The following MOB1B variants were observed in gnomAD, a reference collection of about 807,000 sequenced individuals.
MOB1B encodes MOB1 Mps One Binder homolog B.
MOB1B carries 19 observed loss-of-function variants against 24.4 expected under a neutral mutation model. That is an observed-to-expected ratio of 0.78 (90% CI 0.54 to 1.14). The LOEUF (loss-of-function observed/expected upper bound fraction) is 1.14, where lower values mean the gene tolerates loss of function less well. Ranked by LOEUF, MOB1B falls within the 50% of genes most tolerant of loss-of-function variation. MOB1B has a pLI of 0.00. For synonymous variants in MOB1B, 76 were observed against 82.1 expected (o/e 0.93, Z 0.40); for missense variants, 243 against 259.6 (o/e 0.94, Z 0.44).
chr4:70,945,196 TAA>T (rs1737527569), intron 1 of MOB1B, among the ~76,000 whole-genome samples: 2 of 152,158 alleles, frequency 1.3e-5, no homozygotes, highest in African/African-American at 4.8e-5. Context: ...TAAGTATATA[TAA>T]ATACCCAACT....
chr4:70,951,365 A>G (rs1325938760), intron 1 of MOB1B, among the ~76,000 whole-genome samples: 1 of 152,242 alleles, frequency 6.6e-6, no homozygotes, highest in African/African-American at 2.4e-5. Context: ...TGAAATTTGC[A>G]AAAGATAAAT....
intron 1 of MOB1B, among the ~76,000 whole-genome samples, chr4:70,934,477 G>A (rs1260892688): frequency 4.0e-5 from 6 of 151,288 alleles, no homozygotes; most frequent in Non-Finnish European, 5.9e-5. Flanking sequence ...TTTTGAGACC[G>A]AGTCTTGCTC....
At chr4:70,965,296 CAAAAA>C (rs1175536577) in intron 2 of MOB1B, among the ~76,000 whole-genome samples, 1 of 36,216 alleles carries the variant, frequency 2.8e-5, no homozygotes, top group African/African-American at 8.6e-5. Context: ...GACTTCATCT[CAAAAA>C]AAAAAAAAAA....
rs1257431414 is a variant in MOB1B, at chr4:70,986,801, A to T, written c.*4744A>T. On this transcript the variant is annotated 3_prime_UTR_variant, in exon 6 of 6. Transcript: ENST00000309395. Reference sequence around the variant, plus strand: ...TGGAAAAGTTTAATTTGAAGATGTAACAAAAATTCTGACCACAGTTGATTC... The same window carrying T: ...TGGAAAAGTTTAATTTGAAGATGTATCAAAAATTCTGACCACAGTTGATTC... 6.6e-6 allele frequency: 1 copy of T among 152,166 alleles called. No homozygotes were observed. Among genetic ancestry groups the T allele is most frequent in the Non-Finnish European group, 1.5e-5 (1 of 67,982 alleles). The allele number at this position is 152,166 out of a possible 1,614,324, so 9.4% of individuals were successfully genotyped here.
chr4:70,929,525 G>C (rs1736793885), intron 1 of MOB1B, among the ~76,000 whole-genome samples: 1 of 151,996 alleles, frequency 6.6e-6, no homozygotes, highest in African/African-American at 2.4e-5. Context: ...CTGTGGCTGA[G>C]TCTGTAGCAC....
At chr4:70,902,264 G>A, upstream of MOB1B, 1 of 569,578 alleles carries the variant, frequency 1.8e-6, no homozygotes. Context: ...GGGCGGCGGG[G>A]AGCTGGGGAG....
chr4:70,928,420 T>C (rs1271466212), intron 1 of MOB1B, among the ~76,000 whole-genome samples: 1 of 151,750 alleles, frequency 6.6e-6, no homozygotes, highest in Non-Finnish European at 1.5e-5. Flanking sequence ...TTCAGCCTCT[T>C]GAGTAGCTGG....
At chr4:70,974,167 T>A (rs1441748070) in intron 3 of MOB1B, among the ~76,000 whole-genome samples, 1 of 149,226 alleles carries the variant, frequency 6.7e-6, no homozygotes, top group Non-Finnish European at 1.5e-5. Flanking sequence ...TCTTTTAGGG[T>A]TTTTTTTTTG....
Position 70,975,245 on chromosome 4 carries a change from A to G in MOB1B, c.368A>G (p.Gln123Arg). 1 of 1,613,616 alleles carries G rather than the reference A, an allele frequency of 6.2e-7. No individual in the cohort carries two copies. Among genetic ancestry groups the G allele is most frequent in the Non-Finnish European group, 8.5e-7 (1 of 1,179,786 alleles). ...KYIDYLMTWV[Q>R]DQLDDETLFP... is the part of the protein sequence containing the mutation. ...ATTGATTACTTGATGACTTGGGTTC[A>G]GGACCAGTTGGATGATGAGACGTTA... The change falls in exon 4 of 6, where the codon CAG becomes CGG. Residue 123 changes from glutamine to arginine, a missense_variant. Gln to Arg is a conservative substitution (Grantham distance 43, BLOSUM62 1). Coordinates refer to ENST00000309395, the MANE Select transcript of MOB1B (RefSeq NM_173468.4).
At chr4:70,923,479 A>C (rs1459395002) in intron 1 of MOB1B, among the ~76,000 whole-genome samples, 1 of 152,164 alleles carries the variant, frequency 6.6e-6, no homozygotes, top group Non-Finnish European at 1.5e-5. Flanking sequence ...CTGGGATTAT[A>C]GGCATGAGCT....
chr4:70,910,230 G>A (rs1735924902), intron 1 of MOB1B, among the ~76,000 whole-genome samples: 1 of 151,548 alleles, frequency 6.6e-6, no homozygotes, highest in Admixed American at 6.6e-5. Flanking sequence ...TAGTAGAGAT[G>A]GGGTTTTGCC....
At chr4:70,963,883 A>G (rs1308078792) in intron 2 of MOB1B, among the ~76,000 whole-genome samples, 3 of 152,216 alleles carry the variant, frequency 2.0e-5, no homozygotes, top group Non-Finnish European at 4.4e-5. Flanking sequence ...CAAGATGATT[A>G]CAAAGCAAAA....
chr4:70,959,736 T>C (rs936327591), intron 2 of MOB1B, among the ~76,000 whole-genome samples: 2 of 152,196 alleles, frequency 1.3e-5, no homozygotes, highest in Non-Finnish European at 2.9e-5. Flanking sequence ...AGACAATTAG[T>C]AACTTGCCTA....
upstream of MOB1B, chr4:70,902,227 C>T (rs1330147213): frequency 1.9e-6 from 1 of 539,862 alleles, no homozygotes; most frequent in Non-Finnish European, 3.3e-6. Context: ...TGGGCTTGCA[C>T]CGCTATCGCG....
Position 70,976,261 on chromosome 4 carries a change from A to G in MOB1B, c.409+975A>G, listed in dbSNP as rs191364030. The G allele has an allele frequency of 1.4e-3, 1,357 of 984,298 alleles. 1 individual carries two copies. Among genetic ancestry groups the G allele is most frequent in the Non-Finnish European group, 1.6e-3 (1,286 of 828,938 alleles). 61.0% of individuals were successfully genotyped at this position (984,298 alleles called of 1,614,324 possible). The stretch of plus-strand genomic sequence containing the variant: ...AAAAAACAGAATGGATATTGAGTAG[A>G]TTGCTAATAACATCTGCCACAGTTG... On this transcript the variant is annotated intron_variant, in intron 4 of 5. Coordinates refer to ENST00000309395, the MANE Select transcript of MOB1B (RefSeq NM_173468.4).
chr4:70,986,426 T>C lies in MOB1B; in HGVS notation c.*4369T>C, dbSNP rs1024932077. ...TTTAGAATTGTATAACCTTTTCATATATTTATAACTTTTAATGTCTTTTTA... is the reference window on the plus strand; with the variant it reads ...TTTAGAATTGTATAACCTTTTCATACATTTATAACTTTTAATGTCTTTTTA... On this transcript the variant is annotated 3_prime_UTR_variant, in exon 6 of 6. Coordinates refer to ENST00000309395, the MANE Select transcript of MOB1B (RefSeq NM_173468.4). 7 of 152,066 alleles carry C rather than the reference T, an allele frequency of 4.6e-5. No homozygotes were observed. Among genetic ancestry groups the C allele is most frequent in the African/African-American group, 1.7e-4 (7 of 41,442 alleles). 9.4% of individuals were successfully genotyped at this position (152,066 alleles called of 1,614,324 possible).
At chr4:70,971,440 G>T (rs1285530454) in intron 3 of MOB1B, among the ~76,000 whole-genome samples, 1 of 151,420 alleles carries the variant, frequency 6.6e-6, no homozygotes. Flanking sequence ...GGGTGAGGTT[G>T]CAGTGAGCTG....
chr4:70,949,063 G>GA (rs1449380631), intron 1 of MOB1B, among the ~76,000 whole-genome samples: 3 of 152,318 alleles, frequency 2.0e-5, no homozygotes, highest in Middle Eastern at 3.4e-3. Flanking sequence ...GAGCACAGCA[G>GA]AATCACTCTT....
intron 1 of MOB1B, among the ~76,000 whole-genome samples, chr4:70,939,288 A>G (rs528580982): frequency 6.6e-6 from 1 of 152,350 alleles, no homozygotes; most frequent in East Asian, 1.9e-4. Flanking sequence ...GAAGTTTTTT[A>G]AATCATAATC....
Sources: allele counts gnomAD v4.1 joint callset (sites outside exome capture counted in the v4.1 genomes callset), GRCh38; gene constraint gnomAD v4.1.1; transcripts MANE v1.5; gene names NCBI Gene and HGNC (gene_info 2026-07-23, HGNC 2026-07-21).